Variants in ARMH1 observed in about 807,000 individuals in gnomAD.
ARMH1 encodes armadillo like helical domain containing 1.
In ARMH1, 34 loss-of-function variants were observed where a neutral mutation model predicts 50.2. The observed-to-expected ratio is 0.68, with a 90% CI of 0.51 to 0.90. The LOEUF (loss-of-function observed/expected upper bound fraction) is 0.90. Ranked by LOEUF, ARMH1 falls within the 40% of genes least tolerant of loss-of-function variation. The probability of loss-of-function intolerance (pLI) is 0.00; values close to 1 mark genes in which losing one functional copy is unlikely to be tolerated. For synonymous variants in ARMH1, 221 were observed against 224.2 expected (o/e 0.99, Z 0.13); for missense variants, 538 against 553.9 (o/e 0.97, Z 0.29).
chr1:44,724,290 T>C lies in ARMH1; in HGVS notation c.848-30T>C. On this transcript the variant is annotated intron_variant, in intron 7 of 11. Coordinates refer to ENST00000535358, the MANE Select transcript of ARMH1 (RefSeq NM_001145636.2). This position sits in a 1 kb window ranked among gnomAD's most constrained non-coding sequence, Gnocchi z 6.4. ...GGCTGCCTGGGCCACGGGAGGGCGGTCTCTTGCCTCACGGCTGCCCCCTCC... is the reference window on the plus strand; with the variant it reads ...GGCTGCCTGGGCCACGGGAGGGCGGCCTCTTGCCTCACGGCTGCCCCCTCC... 1 of 1,550,712 alleles carries C rather than the reference T, an allele frequency of 6.4e-7. No individual in the cohort carries two copies. The highest frequency in any genetic ancestry group is 8.7e-7 in the Non-Finnish European group (1 of 1,146,342).
At chr1:44,716,248 A>G (rs574250109) in intron 6 of ARMH1, among the ~76,000 whole-genome samples, 64 of 152,048 alleles carry the variant, frequency 4.2e-4, no homozygotes, top group African/African-American at 1.4e-3. Context: ...TTTATGTACC[A>G]CCTACCACCT....
intron 5 of ARMH1, among the ~76,000 whole-genome samples, chr1:44,703,156 T>A (rs1428578854): frequency 2.6e-5 from 4 of 152,178 alleles, no homozygotes; most frequent in Admixed American, 2.6e-4. Flanking sequence ...TCTGATGGGA[T>A]GAGGTTCCTG....
chr1:44,710,564 A>G (rs1401940716), intron 6 of ARMH1, among the ~76,000 whole-genome samples: 12 of 146,782 alleles, frequency 8.2e-5, no homozygotes, highest in African/African-American at 1.3e-4. Flanking sequence ...AGCCGAGATC[A>G]TGCCACTGCA....
intron 6 of ARMH1, chr1:44,721,890 G>T (rs115598547): frequency 6.6e-6 from 1 of 152,168 alleles, no homozygotes; most frequent in African/African-American, 2.4e-5. Flanking sequence ...GTTATGAAGA[G>T]AAACCAGAGA....
At position 44,713,121 on chromosome 1, in the gene ARMH1, G is replaced by A. The variant is rs143960560; in HGVS notation, c.724+8948G>A. On this transcript the variant is annotated intron_variant, in intron 6 of 11. Transcript: ENST00000535358. ...CCTTTTTTTTTTTTTTTTTTTTTGA[G>A]ACAGTCTTGCTTTGTCACCCAGGCT... 3.0e-4 allele frequency among the ~76,000 whole-genome samples: 33 copies of A among 109,146 alleles called. No individual in the cohort carries two copies. The East Asian group carries it at 9.7e-3, about 32-fold the overall frequency. The allele number at this position is 109,146 out of a possible 152,430, so 71.6% of individuals were successfully genotyped here.
Position 44,724,141 on chromosome 1 carries a change from C to G in ARMH1, c.744C>G (p.Asp248Glu), listed in dbSNP as rs781440776. The G allele has an allele frequency of 1.3e-5, 20 of 1,551,612 alleles. No homozygotes were observed. The highest frequency in any genetic ancestry group is 1.7e-5 in the Non-Finnish European group (20 of 1,146,974). ...VQYEAIELIK[D>E]LVGYDVRQAL... is the part of the protein sequence containing the mutation. ...CCGCAGCCATCGAGTTGATCAAAGA[C>G]CTGGTCGGTTACGATGTGCGCCAGG... The change falls in exon 7 of 12, where the codon GAC becomes GAG. Residue 248 changes from aspartate to glutamate, a missense_variant. Physicochemically the swap from Asp to Glu is conservative, Grantham distance 45 (BLOSUM62 2). Transcript: ENST00000535358. The surrounding 1 kb of genome is among the most constrained non-coding windows in gnomAD (Gnocchi z 6.4).
intron 1 of ARMH1, among the ~76,000 whole-genome samples, chr1:44,677,225 T>C (rs1645166961): frequency 6.6e-6 from 1 of 152,244 alleles, no homozygotes. Flanking sequence ...AACAGATTTC[T>C]GGGCAGTTAT....
intron 6 of ARMH1, among the ~76,000 whole-genome samples, chr1:44,709,529 G>A (rs555394794): frequency 9.2e-5 from 14 of 152,094 alleles, no homozygotes; most frequent in African/African-American, 2.4e-4. Flanking sequence ...AAAATTAGCC[G>A]GGCGTAGTGG....
intron 5 of ARMH1, among the ~76,000 whole-genome samples, chr1:44,703,560 T>TAAAAAAA (rs1186744272): frequency 9.3e-6 from 1 of 107,040 alleles, no homozygotes; most frequent in Non-Finnish European, 1.9e-5. Context: ...CCGTCTCTAC[T>TAAAAAAA]AAAAAAAAAA....
At chr1:44,717,013 G>A (rs1163664858) in intron 6 of ARMH1, among the ~76,000 whole-genome samples, 1 of 152,040 alleles carries the variant, frequency 6.6e-6, no homozygotes, top group Non-Finnish European at 1.5e-5. Flanking sequence ...ACTGCGCCCA[G>A]CTAATTTTTG....
intron 2 of ARMH1, among the ~76,000 whole-genome samples, chr1:44,695,944 C>A (rs1448910527): frequency 3.3e-5 from 4 of 121,560 alleles, no homozygotes; most frequent in Non-Finnish European, 3.5e-5. Flanking sequence ...GACCCTATCT[C>A]AAAAAAAAAA....
chr1:44,725,554 TGGCTGCGAAGAGTCAATAAACA>T lies in ARMH1; in HGVS notation c.*153_*174del. ...CCCAGAGGGGCAGAGGAAGAGCCGCTGGCTGCGAAGAGTCAATAAACAGCCTTGATACCTGTCTGTTCTTTGT... is the reference window on the plus strand; with the variant it reads ...CCCAGAGGGGCAGAGGAAGAGCCGCTGCCTTGATACCTGTCTGTTCTTTGT... On this transcript the variant is annotated 3_prime_UTR_variant, in exon 12 of 12. Transcript: ENST00000535358. 1.4e-6 allele frequency: 1 copy of T among 735,714 alleles called. No individual in the cohort carries two copies. The allele number at this position is 735,714 out of a possible 1,614,324, so 45.6% of individuals were successfully genotyped here.
intron 6 of ARMH1, among the ~76,000 whole-genome samples, chr1:44,705,071 G>A (rs994271610): frequency 4.0e-5 from 6 of 150,730 alleles, no homozygotes; most frequent in African/African-American, 1.5e-4. Flanking sequence ...TCCTGACCTC[G>A]TGATCCACCC....
intron 1 of ARMH1, among the ~76,000 whole-genome samples, chr1:44,687,936 G>A (rs1475720074): frequency 1.3e-5 from 2 of 152,184 alleles, no homozygotes; most frequent in African/African-American, 4.8e-5. Context: ...ATGGCACATT[G>A]AGTTTTGATA....
intron 6 of ARMH1, among the ~76,000 whole-genome samples, chr1:44,723,585 A>C (rs927148718): frequency 3.9e-5 from 6 of 152,178 alleles, no homozygotes; most frequent in African/African-American, 7.2e-5. Flanking sequence ...AAAATGGGGA[A>C]GTGAACCTCA....
intron 6 of ARMH1, among the ~76,000 whole-genome samples, chr1:44,723,517 C>T (rs1647718070): frequency 6.6e-6 from 1 of 152,188 alleles, no homozygotes; most frequent in Admixed American, 6.5e-5. Context: ...CCATCACTTC[C>T]TAGCTGTGTA....
intron 4 of ARMH1, among the ~76,000 whole-genome samples, chr1:44,700,133 A>C (rs1646001895): frequency 1.3e-5 from 2 of 151,690 alleles, no homozygotes; most frequent in South Asian, 4.2e-4. Context: ...CCTGACGAAC[A>C]TCTCCCTTTT....
chr1:44,706,452 A>G (rs552692428), intron 6 of ARMH1, among the ~76,000 whole-genome samples: 2 of 152,200 alleles, frequency 1.3e-5, no homozygotes, highest in South Asian at 4.1e-4. Context: ...GTCCAGGATG[A>G]CAGGCTGAGC....
chr1:44,678,710 C>T (rs928648142), intron 1 of ARMH1, among the ~76,000 whole-genome samples: 1 of 152,030 alleles, frequency 6.6e-6, no homozygotes, highest in Admixed American at 6.6e-5. Flanking sequence ...TTGTTGTCTC[C>T]GAGGCCATGT....
Sources: allele counts gnomAD v4.1 joint callset (sites outside exome capture counted in the v4.1 genomes callset), GRCh38; gene constraint gnomAD v4.1.1; non-coding constraint Gnocchi (gnomAD v3.1); transcripts MANE v1.5; gene names NCBI Gene and HGNC (gene_info 2026-07-23, HGNC 2026-07-21).